SLC4A10: variants seen among roughly 807,000 people sequenced by gnomAD.
SLC4A10 encodes sodium-driven chloride bicarbonate exchanger.
In SLC4A10, 42 loss-of-function variants were observed where a neutral mutation model predicts 137.7. The observed-to-expected ratio is 0.30, with a 90% CI of 0.24 to 0.39. The LOEUF (loss-of-function observed/expected upper bound fraction) is 0.39. SLC4A10 is among the 10% of genes least tolerant of loss of function. The pLI, the probability that SLC4A10 is intolerant of heterozygous loss-of-function variation, is 1.00. For synonymous variants in SLC4A10, 474 were observed against 464.1 expected, an observed-to-expected ratio of 1.02 and a Z score of -0.27; for missense variants, 925 against 1,355.0, an observed-to-expected ratio of 0.68 and a Z score of 4.98.
intron 2 of SLC4A10, among the ~76,000 whole-genome samples, chr2:161,796,765 T>C (rs2054816832): frequency 6.6e-6 from 1 of 152,230 alleles, no homozygotes; most frequent in Non-Finnish European, 1.5e-5. Context: ...ACTTTCCTCA[T>C]GGAAATCTGT....
At chr2:161,878,597 T>C (rs1004168226) in intron 8 of SLC4A10, among the ~76,000 whole-genome samples, 1 of 152,050 alleles carries the variant, frequency 6.6e-6, no homozygotes, top group African/African-American at 2.4e-5. Context: ...AAAACCAATA[T>C]TGAAGAATTA....
chr2:161,955,492 C>T (rs1362292104), intron 19 of SLC4A10, among the ~76,000 whole-genome samples: 5 of 152,130 alleles, frequency 3.3e-5, no homozygotes, highest in Admixed American at 2.0e-4. Flanking sequence ...AGTATTGCCC[C>T]AGTAAGCTGA....
chr2:161,668,686 G>A (rs1285768165), intron 1 of SLC4A10, among the ~76,000 whole-genome samples: 1 of 151,602 alleles, frequency 6.6e-6, no homozygotes, highest in Non-Finnish European at 1.5e-5. Context: ...CTCATATGTT[G>A]GAATATATTT....
intron 1 of SLC4A10, among the ~76,000 whole-genome samples, chr2:161,675,163 G>A (rs1173535448): frequency 1.3e-5 from 2 of 152,182 alleles, no homozygotes; most frequent in Non-Finnish European, 2.9e-5. Context: ...TAAAGCCAGA[G>A]CTTGCATCCT....
At chr2:161,736,701 A>G (rs1194112338) in intron 1 of SLC4A10, among the ~76,000 whole-genome samples, 2 of 152,144 alleles carry the variant, frequency 1.3e-5, no homozygotes, top group African/African-American at 4.8e-5. Context: ...CCCATGACAC[A>G]TGGGGATCAT....
At chr2:161,757,442 G>C (rs1347174450) in intron 1 of SLC4A10, among the ~76,000 whole-genome samples, 1 of 152,034 alleles carries the variant, frequency 6.6e-6, no homozygotes, top group East Asian at 1.9e-4. Flanking sequence ...ATAAGATAAA[G>C]TATGTTTATT....
chr2:161,755,936 AT>A, intron 1 of SLC4A10, among the ~76,000 whole-genome samples: 1 of 151,772 alleles, frequency 6.6e-6, no homozygotes, highest in East Asian at 1.9e-4. Flanking sequence ...TGCCCAGCTA[AT>A]TTTTTGTATC....
chr2:161,750,649 T>C (rs2048870755), intron 1 of SLC4A10, among the ~76,000 whole-genome samples: 1 of 151,898 alleles, frequency 6.6e-6, no homozygotes, highest in Admixed American at 6.6e-5. Flanking sequence ...TGACCTAACA[T>C]GTAATCTATA....
At chr2:161,714,917 T>C (rs1028117621) in intron 1 of SLC4A10, among the ~76,000 whole-genome samples, 1 of 151,982 alleles carries the variant, frequency 6.6e-6, no homozygotes, top group African/African-American at 2.4e-5. Context: ...TTGGTTATTA[T>C]AATTATCCCC....
rs1559606606 is a variant in SLC4A10 at position 161,949,218 on chromosome 2, T to C, written c.2336T>C (p.Ile779Thr). The C allele has an allele frequency of 2.5e-6, 4 of 1,611,702 alleles. No homozygotes were observed. Among genetic ancestry groups the C allele is most frequent in the African/African-American group, 1.3e-5 (1 of 74,904 alleles). ...ILCMVLIDYAIGIPSPKLQVP... is the reference protein window; with the variant it reads ...ILCMVLIDYATGIPSPKLQVP... ...TGTATGGTTTTAATTGACTATGCCA[T>C]TGGGATCCCATCTCCAAAACTACAA... Residue 779 changes from isoleucine (I) to threonine (T), a missense_variant, in exon 18 of 27, where the codon ATT (isoleucine) becomes ACT (threonine). Coordinates refer to ENST00000446997, the MANE Select transcript of SLC4A10 (RefSeq NM_001178015.2).
intron 3 of SLC4A10, among the ~76,000 whole-genome samples, chr2:161,805,577 G>A (rs1331855878): frequency 6.6e-6 from 1 of 152,136 alleles, no homozygotes; most frequent in East Asian, 1.9e-4. Flanking sequence ...GGAGATATTG[G>A]CCAAAACAAA....
Position 161,803,076 on chromosome 2 carries a change from G to T in SLC4A10, c.131-1373G>T, listed in dbSNP as rs563888265. The stretch of plus-strand genomic sequence containing the variant: ...TAGTATTTTAATGTTTTCTTTAGAG[G>T]TTTTTTCCCTGATACAACACTCTCC... On this transcript the variant is annotated intron_variant, in intron 2 of 26. Coordinates refer to ENST00000446997, the MANE Select transcript of SLC4A10 (RefSeq NM_001178015.2). Among the ~76,000 whole-genome samples, 3 of 152,096 alleles carry T rather than the reference G, an allele frequency of 2.0e-5. No individual in the cohort carries two copies. The East Asian group carries it at 5.8e-4, about 29-fold the overall frequency.
intron 1 of SLC4A10, among the ~76,000 whole-genome samples, chr2:161,632,490 AT>A (rs1280241178): frequency 6.6e-6 from 1 of 151,674 alleles, no homozygotes; most frequent in Non-Finnish European, 1.5e-5. Flanking sequence ...GTATAATATA[AT>A]TTATTTTAGT....
At chr2:161,721,581 T>C (rs1055168479) in intron 1 of SLC4A10, among the ~76,000 whole-genome samples, 1 of 152,232 alleles carries the variant, frequency 6.6e-6, no homozygotes, top group Admixed American at 6.5e-5. Flanking sequence ...CTTCCCTTTG[T>C]AGGTGACCTG....
intron 10 of SLC4A10, among the ~76,000 whole-genome samples, chr2:161,889,975 C>T (rs1165991084): frequency 6.6e-6 from 1 of 152,120 alleles, no homozygotes; most frequent in Non-Finnish European, 1.5e-5. Flanking sequence ...CCCAGAGATT[C>T]TGGTATGTTG....
At chr2:161,635,324 G>A (rs1213992549) in intron 1 of SLC4A10, among the ~76,000 whole-genome samples, 2 of 152,056 alleles carry the variant, frequency 1.3e-5, no homozygotes, top group African/African-American at 2.4e-5. Context: ...AAGACTCTCT[G>A]GTGAAGGTTT....
At chr2:161,759,512 C>T (rs1037790919) in intron 1 of SLC4A10, among the ~76,000 whole-genome samples, 2 of 151,886 alleles carry the variant, frequency 1.3e-5, no homozygotes, top group Non-Finnish European at 2.9e-5. Context: ...TGGCAACCAA[C>T]CTTCTACACT....
intron 2 of SLC4A10, among the ~76,000 whole-genome samples, chr2:161,778,247 C>T (rs565552925): frequency 6.6e-6 from 1 of 152,022 alleles, no homozygotes; most frequent in Non-Finnish European, 1.5e-5. Context: ...ATAGAATGCT[C>T]ATTCTGCCCA....
At chr2:161,929,148 G>T (rs72867006) in intron 15 of SLC4A10, among the ~76,000 whole-genome samples, 10,214 of 152,104 alleles carry the variant, frequency 0.067, 451 homozygotes, top group East Asian at 0.13. Flanking sequence ...CAAAAAAAAA[G>T]GATGTTTGCC....
Sources: gnomAD v4.1 joint callset for allele counts (sites outside exome capture counted in the v4.1 genomes callset) on GRCh38, gnomAD v4.1.1 for gene constraint, MANE v1.5 for transcripts, NCBI Gene and HGNC (gene_info 2026-07-23, HGNC 2026-07-21) for gene names.